RNF213: variants seen among roughly 807,000 people sequenced by gnomAD.
RNF213 encodes the protein E3 ubiquitin-protein ligase RNF213.
RNF213 carries 341 observed loss-of-function variants against 514.4 expected under a neutral mutation model. The ratio of observed to expected loss-of-function variants is 0.66; its 90% CI spans 0.61 to 0.73. RNF213 has a LOEUF of 0.73. Among genes scored for constraint, RNF213 ranks in the 30% least tolerant of loss-of-function variants. RNF213 has a pLI of 0.00. For missense variants in RNF213, 5,767 were observed against 6,615.6 expected (o/e 0.87, Z 4.45); for synonymous variants, 2,655 against 2,658.2 (o/e 1.00, Z 0.04).
At chr17:80,268,354 GAAAAA>G (rs898719348) in intron 2 of RNF213, among the ~76,000 whole-genome samples, 1 of 73,198 alleles carries the variant, frequency 1.4e-5, no homozygotes, top group African/African-American at 6.0e-5. Flanking sequence ...CCCTGTCTCA[GAAAAA>G]AAAAAAAAAA....
chr17:80,331,910 C>T, intron 20 of RNF213, 96 bp from the exon 21 acceptor site: 1 of 1,405,118 alleles, frequency 7.1e-7, no homozygotes, highest in Non-Finnish European at 9.4e-7. Flanking sequence ...CTTGAGTTCG[C>T]TCAGAGAAGT....
chr17:80,390,255 G>T, intron 67 of RNF213, 59 bp downstream of exon 67: 1 of 1,540,896 alleles, frequency 6.5e-7, no homozygotes, highest in Non-Finnish European at 9.0e-7. Context: ...TCTCTCCTGT[G>T]ATCTTCTATA....
At chr17:80,339,024 A>C (rs1450361758) in intron 25 of RNF213, among the ~76,000 whole-genome samples, 177 bp from the exon 26 acceptor site, 1 of 151,942 alleles carries the variant, frequency 6.6e-6, no homozygotes, top group African/African-American at 2.4e-5. Context: ...CCCTGATGAG[A>C]GTGCCATCTT....
chr17:80,267,462 C>T (rs2043647684), intron 2 of RNF213, among the ~76,000 whole-genome samples: 1 of 152,058 alleles, frequency 6.6e-6, no homozygotes, highest in Admixed American at 6.6e-5. Context: ...AAAAGTGCTA[C>T]TCCAATGAAC....
rs1404415381 is a variant in RNF213, at chr17:80,345,787, G to A, written c.7452G>A (p.Leu2484=). 6.2e-7 allele frequency: 1 copy of A among 1,614,176 alleles called. No individual in the cohort carries two copies. The change falls in exon 29 of 68, where the codon TTG becomes TTA. Residue 2484 remains leucine, a synonymous_variant. Coordinates refer to ENST00000582970, the MANE Select transcript of RNF213 (RefSeq NM_001256071.3). The surrounding 1 kb of genome is among the most constrained non-coding windows in gnomAD (Gnocchi z 6.0). ...NKDQHQLDTI[L]FFDEANTTEA... ...ACCAACATCAGTTGGACACCATCTT[G>A]TTTTTTGATGAAGCCAACACAACGG... is the stretch of plus-strand genomic sequence containing the variant.
At position 80,289,734 on chromosome 17, in the gene RNF213, G is replaced by A. The variant is rs2044622454; in HGVS notation, c.1009G>A (p.Glu337Lys). The change falls in exon 6 of 68, where the codon GAA becomes AAA. Residue 337 changes from glutamate (E) to lysine (K), a missense_variant. Transcript: ENST00000582970. ...KVGKNEQGEP[E>K]DLKKPEGKNR... ...CGGTAAGAATGAACAAGGGGAGCCT[G>A]AAGACCTCAAGAAGCCAGAGGGGAA... The A allele has an allele frequency of 6.2e-7, 1 of 1,614,140 alleles. No homozygotes were observed. The highest frequency in any genetic ancestry group is 8.5e-7 in the Non-Finnish European group (1 of 1,180,010).
chr17:80,273,068 C>T (rs1272585085), intron 2 of RNF213, among the ~76,000 whole-genome samples, 173 bp from the exon 3 acceptor site: 1 of 152,038 alleles, frequency 6.6e-6, no homozygotes, highest in Non-Finnish European at 1.5e-5. Context: ...CTGGTTCCCT[C>T]CTACCCACCT....
intron 67 of RNF213, among the ~76,000 whole-genome samples, chr17:80,391,474 C>T (rs2080469225): frequency 6.6e-6 from 1 of 151,996 alleles, no homozygotes; most frequent in Admixed American, 6.6e-5. Flanking sequence ...GGTTTCTCCA[C>T]GTGGCCAGGC....
chr17:80,325,192 T>A lies in RNF213; in HGVS notation c.3187T>A (p.Leu1063Met). The A allele has an allele frequency of 6.5e-7, 1 of 1,533,110 alleles. No homozygotes were observed. Among genetic ancestry groups the A allele is most frequent in the Non-Finnish European group, 8.7e-7 (1 of 1,143,634 alleles). 95.0% of individuals were successfully genotyped at this position (1,533,110 alleles called of 1,614,324 possible). The change falls in exon 18 of 68, where the codon TTG (leucine) becomes ATG (methionine). Residue 1063 changes from leucine (L) to methionine (M), a missense_variant. Leu to Met is a conservative substitution (Grantham distance 15, BLOSUM62 2). This residue lies in a region of RNF213 where 516 missense variants were observed against 566.5 expected (regional missense o/e 0.91). Transcript: ENST00000582970. ...TLADVKHVFR[L>M]CGTDEKILAN... ...GGCAGATGTCAAGCACGTCTTCAGA[T>A]TGTGTGGTATGTTTGCGGGAGTGCT...
At chr17:80,393,138 G>A (rs1408638333) in intron 67 of RNF213, among the ~76,000 whole-genome samples, 1 of 151,690 alleles carries the variant, frequency 6.6e-6, no homozygotes, top group African/African-American at 2.4e-5. Context: ...ACCACCACGT[G>A]CCCAGCTAAT....
rs2078094250 is a variant in RNF213 at position 80,339,741 on chromosome 17, T to TTCCTGCCC, written c.5375_5382dup (p.Asp1795SerfsTer8). ...GCAGTCCATGAGGTGCCTTCCTGCC[T>TTCCTGCCC]TCCTGCCCGACTGCCTCGACCTAGA... On this transcript the variant is annotated frameshift_variant, in exon 26 of 68. Coordinates refer to ENST00000582970, the MANE Select transcript of RNF213 (RefSeq NM_001256071.3). LOFTEE classifies it high-confidence loss of function. 3 of 1,537,042 alleles carry TTCCTGCCC rather than the reference T, an allele frequency of 2.0e-6. No homozygotes were observed. The highest frequency in any genetic ancestry group is 2.6e-6 in the Non-Finnish European group (3 of 1,146,866).
intron 17 of RNF213, among the ~76,000 whole-genome samples, chr17:80,322,184 A>G (rs1425317681): frequency 3.5e-5 from 3 of 85,004 alleles, no homozygotes; most frequent in Non-Finnish European, 6.2e-5. Flanking sequence ...TTTTTGAGAA[A>G]AGGTCTCGCT....
chr17:80,275,914 G>A (rs1231378011), intron 3 of RNF213, among the ~76,000 whole-genome samples: 1 of 150,722 alleles, frequency 6.6e-6, no homozygotes, highest in Non-Finnish European at 1.5e-5. Flanking sequence ...CACCCGCCTC[G>A]GCCTCCCAGA....
At chr17:80,281,074 AC>A (rs1003158382) in intron 3 of RNF213, among the ~76,000 whole-genome samples, 1 of 139,012 alleles carries the variant, frequency 7.2e-6, no homozygotes, top group Non-Finnish European at 1.6e-5. Context: ...AGTCACACAC[AC>A]CCCCCGCCAC....
chr17:80,262,698 G>A (rs1373605888), intron 1 of RNF213, among the ~76,000 whole-genome samples: 2 of 152,220 alleles, frequency 1.3e-5, no homozygotes, highest in South Asian at 2.1e-4. Flanking sequence ...ATTGACCACA[G>A]AATCTGTTTT....
intron 2 of RNF213, among the ~76,000 whole-genome samples, chr17:80,266,892 G>C (rs1190496608): frequency 1.3e-5 from 2 of 152,180 alleles, no homozygotes; most frequent in Non-Finnish European, 2.9e-5. Context: ...CTGATAGCTA[G>C]GCCTCTTGCA....
At chr17:80,381,769 A>C in intron 57 of RNF213, 42 bp downstream of exon 57, 1 of 1,577,746 alleles carries the variant, frequency 6.3e-7, no homozygotes, top group Non-Finnish European at 8.6e-7. Context: ...CACACAGCAC[A>C]ACGGCAGCGC....
rs568397342 is a variant in RNF213 at position 80,386,912 on chromosome 17, T to G, written c.14922+21T>G. On this transcript the variant is annotated intron_variant, in intron 63 of 67. Coordinates refer to ENST00000582970, the MANE Select transcript of RNF213 (RefSeq NM_001256071.3). ...TCAAGGTAGGGCTGACTCCTGCCAC[T>G]GCTGCTCATTTGGTGTGTCTGTTGT... 2.5e-6 allele frequency: 4 copies of G among 1,597,830 alleles called. No homozygotes were observed. In the South Asian group the frequency reaches 4.5e-5, roughly 18 times the overall value.
At position 80,306,340 on chromosome 17, in the gene RNF213, C is replaced by T. The variant is rs983406857; in HGVS notation, c.2299C>T (p.Leu767=). 1 of 1,614,150 alleles carries T rather than the reference C, an allele frequency of 6.2e-7. No homozygotes were observed. Among genetic ancestry groups the T allele is most frequent in the Non-Finnish European group, 8.5e-7 (1 of 1,180,030 alleles). ...CCGGTCCTGGTTTAGTCTGCTACCTCTGAGTCACCTGGTTATGTATATGGA... is the reference window on the plus strand; with the variant it reads ...CCGGTCCTGGTTTAGTCTGCTACCTTTGAGTCACCTGGTTATGTATATGGA... The part of the protein sequence containing the change: ...LFRSWFSLLP[L]SHLVMYMENF... Residue 767 remains leucine, a synonymous_variant, in exon 12 of 68, where the codon CTG becomes TTG. Coordinates refer to ENST00000582970, the MANE Select transcript of RNF213 (RefSeq NM_001256071.3).
Sources: gnomAD v4.1 joint callset for allele counts (sites outside exome capture counted in the v4.1 genomes callset) on GRCh38, gnomAD v4.1.1 for gene constraint, gnomAD v4.1.1 regional missense constraint, Gnocchi (gnomAD v3.1) non-coding constraint, MANE v1.5 for transcripts, NCBI Gene and HGNC (gene_info 2026-07-23, HGNC 2026-07-21) for gene names.